The following PRKN variants were observed in gnomAD, a reference collection of about 807,000 sequenced individuals.
PRKN encodes E3 ubiquitin-protein ligase parkin.
A neutral mutation model predicts 59.5 loss-of-function variants in PRKN; 56 were observed. The observed-to-expected ratio is 0.94, with a 90% CI of 0.76 to 1.18. PRKN has a LOEUF of 1.18. Among genes scored for constraint, PRKN ranks in the 50% most tolerant of loss-of-function variants. The probability of loss-of-function intolerance (pLI) is 0.00; values close to 1 mark genes in which losing one functional copy is unlikely to be tolerated. For missense variants in PRKN, 657 were observed against 596.4 expected (o/e 1.10, Z -1.06); for synonymous variants, 250 against 222.1 (o/e 1.13, Z -1.12).
At chr6:162,074,885 C>G (rs1778754794) in intron 4 of PRKN, among the ~76,000 whole-genome samples, 1 of 152,180 alleles carries the variant, frequency 6.6e-6, no homozygotes, top group Non-Finnish European at 1.5e-5. Flanking sequence ...GTGTTGACAG[C>G]TTTGCTGTAG....
intron 1 of PRKN, among the ~76,000 whole-genome samples, chr6:162,570,604 G>A (rs751668134): frequency 4.6e-5 from 7 of 152,160 alleles, no homozygotes; most frequent in African/African-American, 1.7e-4. Flanking sequence ...TAAGGAAAAC[G>A]TGGTACACAT....
At chr6:161,626,465 A>G (rs1416833833) in intron 7 of PRKN, among the ~76,000 whole-genome samples, 1 of 152,202 alleles carries the variant, frequency 6.6e-6, no homozygotes, top group African/African-American at 2.4e-5. Flanking sequence ...GAACACACTG[A>G]TATTTTTTCC....
intron 5 of PRKN, among the ~76,000 whole-genome samples, chr6:162,004,916 T>A (rs1465239967): frequency 6.6e-6 from 1 of 152,224 alleles, no homozygotes; most frequent in African/African-American, 2.4e-5. Context: ...TTGAAGATAA[T>A]GCTCTATTTG....
intron 4 of PRKN, among the ~76,000 whole-genome samples, chr6:162,154,251 G>C: frequency 6.6e-6 from 1 of 152,058 alleles, no homozygotes; most frequent in Non-Finnish European, 1.5e-5. Flanking sequence ...ACATATGACC[G>C]CCCTGCACAG....
At chr6:161,667,962 C>G (rs1263165305) in intron 7 of PRKN, among the ~76,000 whole-genome samples, 1 of 152,066 alleles carries the variant, frequency 6.6e-6, no homozygotes, top group Non-Finnish European at 1.5e-5. Flanking sequence ...GCCTCTCCTG[C>G]TAAATATTAT....
At chr6:162,065,049 G>A (rs984849539) in intron 4 of PRKN, among the ~76,000 whole-genome samples, 59 of 152,206 alleles carry the variant, frequency 3.9e-4, no homozygotes, top group African/African-American at 1.4e-3. Context: ...TTCTTCAGAG[G>A]GGCAGAACTA....
At chr6:161,699,624 G>T (rs377124960) in intron 7 of PRKN, among the ~76,000 whole-genome samples, 1 of 152,130 alleles carries the variant, frequency 6.6e-6, no homozygotes, top group African/African-American at 2.4e-5. Context: ...AGTACAGGTT[G>T]TATTATTCTA....
chr6:161,759,044 G>A (rs1277942805), intron 7 of PRKN, among the ~76,000 whole-genome samples: 3 of 152,098 alleles, frequency 2.0e-5, no homozygotes, highest in African/African-American at 7.2e-5. Flanking sequence ...AGGCGTGGTG[G>A]TGGGCACCTG....
At chr6:161,625,218 C>A (rs1028113238) in intron 7 of PRKN, among the ~76,000 whole-genome samples, 9 of 152,092 alleles carry the variant, frequency 5.9e-5, no homozygotes, top group Non-Finnish European at 5.9e-5. Context: ...ATATACCATG[C>A]AATACTATGC....
At chr6:161,812,449 G>A (rs1463269316) in intron 6 of PRKN, among the ~76,000 whole-genome samples, 2 of 152,100 alleles carry the variant, frequency 1.3e-5, no homozygotes, top group Non-Finnish European at 2.9e-5. Context: ...CCTTCAGACT[G>A]GCAGAAAATA....
intron 1 of PRKN, among the ~76,000 whole-genome samples, chr6:162,461,370 C>T (rs943025862): frequency 4.7e-5 from 7 of 150,140 alleles, no homozygotes; most frequent in African/African-American, 1.7e-4. Flanking sequence ...GACGTGGTGG[C>T]ACACACCTGT....
chr6:162,123,534 G>A (rs1363902443), intron 4 of PRKN, among the ~76,000 whole-genome samples: 1 of 152,118 alleles, frequency 6.6e-6, no homozygotes, highest in Non-Finnish European at 1.5e-5. Context: ...TATCATTTAA[G>A]TTATTCTTTA....
intron 6 of PRKN, among the ~76,000 whole-genome samples, chr6:161,902,326 T>C (rs936010094): frequency 5.9e-5 from 9 of 152,146 alleles, no homozygotes; most frequent in Non-Finnish European, 1.2e-4. Flanking sequence ...AACTGGACTT[T>C]TGATTAAATC....
intron 3 of PRKN, among the ~76,000 whole-genome samples, chr6:162,223,654 CACACACA>C (rs141206237): frequency 0.045 from 4,144 of 92,392 alleles, 144 homozygotes; most frequent in East Asian, 0.42. Flanking sequence ...CACACACACA[CACACACA>C]AACATAATGC....
chr6:161,791,510 C>A (rs867401732), intron 6 of PRKN, among the ~76,000 whole-genome samples: 19 of 152,210 alleles, frequency 1.2e-4, no homozygotes, highest in African/African-American at 4.6e-4. Context: ...CTGGCAAAAT[C>A]TGTCTGTTTC....
chr6:162,554,704 C>T (rs1779485135), intron 1 of PRKN, among the ~76,000 whole-genome samples: 1 of 152,134 alleles, frequency 6.6e-6, no homozygotes, highest in Non-Finnish European at 1.5e-5. Context: ...GGAATGGCAG[C>T]TTGGCTGGTG....
chr6:161,445,264 T>A lies in PRKN; in HGVS notation c.1084-58387A>T, dbSNP rs6904671. On this transcript the variant is annotated intron_variant, in intron 9 of 11. Coordinates refer to ENST00000366898, the MANE Select transcript of PRKN (RefSeq NM_004562.3). The surrounding 1 kb of genome is among the most constrained non-coding windows in gnomAD (Gnocchi z 7.7). ...GGCTGCCTGACCACAAAGACAGGAC[T>A]GTAAAACATAGACCGCATGTGACCT... 5.3e-5 allele frequency among the ~76,000 whole-genome samples: 8 copies of A among 151,930 alleles called. No individual in the cohort carries two copies. In the South Asian group the frequency reaches 1.0e-3, roughly 20 times the overall value.
chr6:161,679,561 T>G (rs1302955258), intron 7 of PRKN, among the ~76,000 whole-genome samples: 1 of 144,984 alleles, frequency 6.9e-6, no homozygotes, highest in Non-Finnish European at 1.5e-5. Context: ...CAAGTCTTTT[T>G]TTTTTTTTTT....
At chr6:161,896,023 G>A (rs1255148122) in intron 6 of PRKN, among the ~76,000 whole-genome samples, 1 of 152,174 alleles carries the variant, frequency 6.6e-6, no homozygotes, top group East Asian at 1.9e-4. Context: ...TCAGTAAGAA[G>A]GGAAAATCCC....
Sources: gnomAD v4.1 joint callset for allele counts (sites outside exome capture counted in the v4.1 genomes callset) on GRCh38, gnomAD v4.1.1 for gene constraint, Gnocchi (gnomAD v3.1) non-coding constraint, MANE v1.5 for transcripts, NCBI Gene and HGNC (gene_info 2026-07-23, HGNC 2026-07-21) for gene names.